The following RHCG variants were observed in gnomAD, a reference collection of about 807,000 sequenced individuals.
The protein encoded by RHCG is Rh family C glycoprotein.
In RHCG, 39 loss-of-function variants were observed where a neutral mutation model predicts 55.3. The observed-to-expected ratio is 0.70, with a 90% confidence interval of 0.55 to 0.92. RHCG has a LOEUF of 0.92. RHCG is among the 40% of genes least tolerant of loss of function. The probability of loss-of-function intolerance (pLI) is 0.00; values close to 1 mark genes in which losing one functional copy is unlikely to be tolerated. For synonymous variants in RHCG, 250 were observed against 246.8 expected, an observed-to-expected ratio of 1.01 and a Z score of -0.12; for missense variants, 635 against 627.9, an observed-to-expected ratio of 1.01 and a Z score of -0.12.
intron 1 of RHCG, among the ~76,000 whole-genome samples, chr15:89,489,175 G>A: frequency 6.6e-6 from 1 of 152,128 alleles, no homozygotes; most frequent in East Asian, 1.9e-4. Flanking sequence ...GAGTGCAGTG[G>A]CACAATCTCA....
At chr15:89,472,415 G>A (rs1012100751) in intron 10 of RHCG, among the ~76,000 whole-genome samples, 1 of 152,146 alleles carries the variant, frequency 6.6e-6, no homozygotes, top group African/African-American at 2.4e-5. Flanking sequence ...GATTCTCAAA[G>A]TCACACACCA....
chr15:89,474,431 T>C (rs1273620764), intron 9 of RHCG, among the ~76,000 whole-genome samples: 1 of 152,192 alleles, frequency 6.6e-6, no homozygotes, highest in Non-Finnish European at 1.5e-5. Context: ...TGGCCCCTTG[T>C]CCCAGGAGCC....
intron 2 of RHCG, 198 bp downstream of exon 2, chr15:89,486,601 T>TGTGA (rs1267613813): frequency 3.6e-4 from 128 of 355,170 alleles, no homozygotes; most frequent in African/African-American, 6.7e-4. Context: ...AGAGAGAGAG[T>TGTGA]GTGTGTGTGT....
chr15:89,480,072 C>G (rs1281241260), intron 4 of RHCG, among the ~76,000 whole-genome samples, 189 bp downstream of exon 4: 1 of 152,208 alleles, frequency 6.6e-6, no homozygotes, highest in South Asian at 2.1e-4. Context: ...CTAGAAGTAT[C>G]TATAGGCAAA....
rs1213633520 is a variant in RHCG at position 89,471,669 on chromosome 15, C to T, written c.*211G>A. 6.5e-6 allele frequency: 1 copy of T among 152,876 alleles called. No individual in the cohort carries two copies. Among genetic ancestry groups the T allele is most frequent in the Non-Finnish European group, 1.5e-5 (1 of 68,232 alleles). 9.5% of individuals were successfully genotyped at this position (152,876 alleles called of 1,614,324 possible). On this transcript the variant is annotated 3_prime_UTR_variant, in exon 11 of 11. Transcript: ENST00000268122. Reference sequence around the variant, plus strand: ...GAGGCAGAACTTCTGCAGCCAGAACCCGGCTTGGATGCCCACTTTGTAGCT... The same window carrying T: ...GAGGCAGAACTTCTGCAGCCAGAACTCGGCTTGGATGCCCACTTTGTAGCT...
intron 2 of RHCG, among the ~76,000 whole-genome samples, chr15:89,483,915 G>A (rs1456681188): frequency 1.3e-5 from 2 of 152,202 alleles, no homozygotes; most frequent in African/African-American, 4.8e-5. Context: ...GCAGAGGGCT[G>A]ATGAAGAGGC....
intron 1 of RHCG, among the ~76,000 whole-genome samples, chr15:89,495,385 G>T (rs1961548100): frequency 6.6e-6 from 1 of 152,236 alleles, no homozygotes; most frequent in African/African-American, 2.4e-5. Context: ...CTGGAGAGGG[G>T]CTTTAGGGTC....
At chr15:89,483,247 GGGGC>G (rs1254655260) in intron 2 of RHCG, 30 bp from the exon 3 acceptor site, 1 of 1,494,256 alleles carries the variant, frequency 6.7e-7, no homozygotes, top group Admixed American at 1.9e-5. Context: ...TGGAGAAGCT[GGGGC>G]AATAGCAAAA....
At chr15:89,478,079 G>A (rs1304613535) in intron 5 of RHCG, 105 bp from the exon 6 acceptor site, 49 of 1,435,140 alleles carry the variant, frequency 3.4e-5, no homozygotes, top group Non-Finnish European at 4.5e-5. Context: ...CTGGCTCCTG[G>A]GAGCCGGGGA....
intron 3 of RHCG, among the ~76,000 whole-genome samples, chr15:89,482,338 A>G (rs1961282773): frequency 6.6e-6 from 1 of 152,176 alleles, no homozygotes; most frequent in Non-Finnish European, 1.5e-5. Context: ...GTCAGGAGGA[A>G]GAGATATGGT....
chr15:89,474,061 AAC>A (rs1961088064), intron 9 of RHCG, among the ~76,000 whole-genome samples: 1 of 152,270 alleles, frequency 6.6e-6, no homozygotes, highest in South Asian at 2.1e-4. Flanking sequence ...GGAATGTAAT[AAC>A]ACAGAACAAT....
intron 2 of RHCG, among the ~76,000 whole-genome samples, chr15:89,485,849 T>A (rs1188419339): frequency 6.6e-6 from 1 of 152,232 alleles, no homozygotes; most frequent in Admixed American, 6.5e-5. Flanking sequence ...CAAATTGCTA[T>A]AGGTTTCATA....
chr15:89,486,599 A>AGAGAGAGAGTGAGT lies in RHCG; in HGVS notation c.371+199_371+200insACTCACTCTCTCTC. 1.4e-4 allele frequency: 38 copies of AGAGAGAGAGTGAGT among 264,496 alleles called. No individual in the cohort carries two copies. In the African/African-American group the frequency reaches 1.6e-3, roughly 11 times the overall value. The allele number at this position is 264,496 out of a possible 1,614,324, so 16.4% of individuals were successfully genotyped here. A position where few individuals can be genotyped will look rare whatever the true frequency, so the allele number is the denominator to read the frequency against. ...GAGAGAGAGAGAGAGAGAGAGAGAG[A>AGAGAGAGAGTGAGT]GTGTGTGTGTGTGTGTGTGTGTGTG... On this transcript the variant is annotated intron_variant, in intron 2 of 10. Transcript: ENST00000268122.
At chr15:89,483,566 C>T (rs1961307666) in intron 2 of RHCG, among the ~76,000 whole-genome samples, 1 of 152,132 alleles carries the variant, frequency 6.6e-6, no homozygotes, top group African/African-American at 2.4e-5. Flanking sequence ...TAGCTTCTAC[C>T]TGCTTTTCCA....
chr15:89,480,926 C>T (rs1291883777), intron 3 of RHCG, among the ~76,000 whole-genome samples: 3 of 152,194 alleles, frequency 2.0e-5, no homozygotes, highest in Admixed American at 6.5e-5. Context: ...TTTACCTCCT[C>T]CTTCCTCCCC....
chr15:89,480,171 A>T, intron 4 of RHCG, 90 bp downstream of exon 4: 1 of 1,553,214 alleles, frequency 6.4e-7, no homozygotes, highest in South Asian at 1.1e-5. Context: ...TTCACCCATC[A>T]TGGTGGCCTT....
intron 10 of RHCG, 37 bp downstream of exon 10, chr15:89,472,674 A>G: frequency 6.4e-7 from 1 of 1,571,898 alleles, no homozygotes; most frequent in South Asian, 1.1e-5. Flanking sequence ...CACTGGGAGA[A>G]CCTCCCTGTC....
chr15:89,495,902 C>T (rs576281534), intron 1 of RHCG, among the ~76,000 whole-genome samples: 1 of 152,296 alleles, frequency 6.6e-6, no homozygotes, highest in Admixed American at 6.5e-5. Flanking sequence ...CGCTTGTTTT[C>T]CCTCTCCAAG....
chr15:89,476,106 G>T (rs73468551), intron 9 of RHCG, among the ~76,000 whole-genome samples: 12,185 of 146,012 alleles, frequency 0.083, 1,636 homozygotes, highest in African/African-American at 0.28. Context: ...TTGCTCTATT[G>T]CCCAGGCTGG....
Sources: allele counts gnomAD v4.1 joint callset (sites outside exome capture counted in the v4.1 genomes callset), GRCh38; gene constraint gnomAD v4.1.1; transcripts MANE v1.5; gene names NCBI Gene and HGNC (gene_info 2026-07-23, HGNC 2026-07-21).